Variants in SLC16A9 observed in about 807,000 individuals in gnomAD.
The protein encoded by SLC16A9 is solute carrier family 16 member 9.
In SLC16A9, 26 loss-of-function variants were observed where a neutral mutation model predicts 44.3. The ratio of observed to expected loss-of-function variants is 0.59; its 90% CI spans 0.43 to 0.81. The LOEUF is 0.81. SLC16A9 is among the 40% of genes least tolerant of loss of function. The pLI is 0.00. For missense variants in SLC16A9, 559 were observed against 595.8 expected, an observed-to-expected ratio of 0.94 and a Z score of 0.64; for synonymous variants, 230 against 225.1, an observed-to-expected ratio of 1.02 and a Z score of -0.19.
Position 59,653,885 on chromosome 10 carries a change from T to A in SLC16A9, c.1141A>T (p.Ile381Phe). 1 of 1,614,182 alleles carries A rather than the reference T, an allele frequency of 6.2e-7. No individual in the cohort carries two copies. The highest frequency in any genetic ancestry group is 8.5e-7 in the Non-Finnish European group (1 of 1,180,028). The change falls in exon 5 of 6, where the codon ATC becomes TTC. Residue 381 changes from isoleucine to phenylalanine, a missense_variant. By Grantham distance (21) the Ile-to-Phe change is conservative (BLOSUM62 0). Coordinates refer to ENST00000395348, the MANE Select transcript of SLC16A9 (RefSeq NM_194298.3). ...ATTGCACACAAGGCTAGGCCCATGA[T>A]GATTAAGGTAGCAACATAAAGATAC... Reference protein sequence around the residue: ...TLYLYVATLIIMGLALCAIPF... With the variant: ...TLYLYVATLIFMGLALCAIPF...
At chr10:59,686,837 A>C (rs1018986100) in intron 1 of SLC16A9, among the ~76,000 whole-genome samples, 1 of 152,208 alleles carries the variant, frequency 6.6e-6, no homozygotes, top group Non-Finnish European at 1.5e-5. Context: ...TTACACAATG[A>C]GATGAAAACA....
rs1486153273 is a variant in SLC16A9, at chr10:59,651,688, G to A, written c.*1084C>T. On this transcript the variant is annotated 3_prime_UTR_variant, in exon 6 of 6. Coordinates refer to ENST00000395348, the MANE Select transcript of SLC16A9 (RefSeq NM_194298.3). ...AAGGACATTTTTCTTAAGGTTAAAT[G>A]CAACTGCATAAGGGTATTAATTTCT... 6.6e-6 allele frequency: 1 copy of A among 152,014 alleles called. No homozygotes were observed. Among genetic ancestry groups the A allele is most frequent in the East Asian group, 1.9e-4 (1 of 5,186 alleles). 9.4% of individuals were successfully genotyped at this position (152,014 alleles called of 1,614,324 possible).
chr10:59,698,927 A>G (rs746779598), intron 1 of SLC16A9, among the ~76,000 whole-genome samples: 2 of 152,004 alleles, frequency 1.3e-5, no homozygotes, highest in Non-Finnish European at 2.9e-5. Context: ...TATTTTTAGT[A>G]GAGATGGGGT....
In SLC16A9 at chr10:59,652,442, C is replaced by T. The variant is rs79262114; in HGVS notation, c.*330G>A. On this transcript the variant is annotated 3_prime_UTR_variant, in exon 6 of 6. Transcript: ENST00000395348. ...TGCCTTGCAGTGGATTAAATGGAGT[C>T]GGCAGAGAAATTATACTTCTTTACA... 3,823 of 175,134 alleles carry T rather than the reference C, an allele frequency of 0.022. 57 individuals are homozygous for T. The highest frequency in any genetic ancestry group is 0.035 in the Non-Finnish European group (2,936 of 83,736). 10.8% of individuals were successfully genotyped at this position (175,134 alleles called of 1,614,324 possible).
At chr10:59,653,645 AATGGG>A in intron 5 of SLC16A9, 25 bp downstream of exon 5, 1 of 1,576,224 alleles carries the variant, frequency 6.3e-7, no homozygotes, top group Non-Finnish European at 8.6e-7. Context: ...AGAACAGTAA[AATGGG>A]ATGATTTTAA....
intron 1 of SLC16A9, among the ~76,000 whole-genome samples, chr10:59,706,715 G>A (rs1388577812): frequency 6.6e-6 from 1 of 152,032 alleles, no homozygotes; most frequent in Non-Finnish European, 1.5e-5. Flanking sequence ...GCTCACGCCT[G>A]TAATCCCAGC....
rs35376586 is a variant in SLC16A9, at chr10:59,707,585, C to CA, written c.-37+1893dup. On this transcript the variant is annotated intron_variant, in intron 1 of 5. Coordinates refer to ENST00000395348, the MANE Select transcript of SLC16A9 (RefSeq NM_194298.3). ...TAGATTTGAAGTGTTCTCACCACAC[C>CA]AAAAAAAAAAAAAAAACAAAAGATA... Among the ~76,000 whole-genome samples, 246 of 127,472 alleles carry CA rather than the reference C, an allele frequency of 1.9e-3. 1 individual carries two copies. The highest frequency in any genetic ancestry group is 5.2e-3 in the African/African-American group (179 of 34,320). The allele number at this position is 127,472 out of a possible 152,430, so 83.6% of individuals were successfully genotyped here. A position where few individuals can be genotyped will look rare whatever the true frequency, so the allele number is the denominator to read the frequency against.
rs113029381 is a variant in SLC16A9, at chr10:59,704,260, C to T, written c.-37+5219G>A. 7.7e-3 allele frequency among the ~76,000 whole-genome samples: 1,171 copies of T among 152,176 alleles called. 16 individuals are homozygous for T. Among genetic ancestry groups the T allele is most frequent in the African/African-American group, 0.027 (1,132 of 41,518 alleles). ...TGCATTTAGTTTCACCTGTGCTATC[C>T]CCCATACCTCCACACACCTACTACC... On this transcript the variant is annotated intron_variant, in intron 1 of 5. Coordinates refer to ENST00000395348, the MANE Select transcript of SLC16A9 (RefSeq NM_194298.3).
rs576850127 is a variant in SLC16A9 at position 59,696,798 on chromosome 10, G to A, written c.-36-12471C>T. Reference sequence around the variant, plus strand: ...AGACCCTCTGCCTGGCAACCGCCCCGTCTGAGAAGTGAGAAGCCCCTCCGC... The same window carrying A: ...AGACCCTCTGCCTGGCAACCGCCCCATCTGAGAAGTGAGAAGCCCCTCCGC... On this transcript the variant is annotated intron_variant, in intron 1 of 5. Transcript: ENST00000395348. Among the ~76,000 whole-genome samples, 18 of 150,700 alleles carry A rather than the reference G, an allele frequency of 1.2e-4. No homozygotes were observed. In the East Asian group the frequency reaches 3.4e-3, roughly 28 times the overall value.
intron 1 of SLC16A9, among the ~76,000 whole-genome samples, chr10:59,708,227 G>T (rs1257097731): frequency 6.6e-6 from 1 of 152,108 alleles, no homozygotes; most frequent in African/African-American, 2.4e-5. Flanking sequence ...ATTAATTATT[G>T]CAACAGATAA....
chr10:59,690,378 G>T (rs1297231512), intron 1 of SLC16A9, among the ~76,000 whole-genome samples: 1 of 152,148 alleles, frequency 6.6e-6, no homozygotes, highest in Non-Finnish European at 1.5e-5. Context: ...ACGTGGAAAG[G>T]TATGTGCAAA....
Position 59,652,792 on chromosome 10 carries a change from T to G in SLC16A9, c.1510A>C (p.Lys504Gln), listed in dbSNP as rs371921017. Residue 504 changes from lysine to glutamine, a missense_variant, in exon 6 of 6, where the codon AAA (lysine) becomes CAA (glutamine). By Grantham distance (53) the Lys-to-Gln change is moderately conservative. Coordinates refer to ENST00000395348, the MANE Select transcript of SLC16A9 (RefSeq NM_194298.3). ...TTCTTCTAAACATTAGAGGCAACTT[T>G]GTACAAGAAAGTTGTTGGAGCTGGC... ...PKPAPTTFLY[K>Q]VASNV is the part of the protein sequence containing the mutation. 1 of 1,611,612 alleles carries G rather than the reference T, an allele frequency of 6.2e-7. No individual in the cohort carries two copies. The highest frequency in any genetic ancestry group is 8.5e-7 in the Non-Finnish European group (1 of 1,179,332).
chr10:59,704,670 G>A (rs1840600152), intron 1 of SLC16A9, among the ~76,000 whole-genome samples: 1 of 152,196 alleles, frequency 6.6e-6, no homozygotes, highest in Admixed American at 6.5e-5. Context: ...TCATCTCCCT[G>A]TGTCCCACAC....
intron 2 of SLC16A9, among the ~76,000 whole-genome samples, chr10:59,677,397 T>A (rs1399448846): frequency 6.6e-6 from 1 of 152,186 alleles, no homozygotes; most frequent in African/African-American, 2.4e-5. Flanking sequence ...CAGCGCAGTG[T>A]GTATTTATTA....
At position 59,651,553 on chromosome 10, in the gene SLC16A9, C is replaced by A. The variant is rs10826340; in HGVS notation, c.*1219G>T. On this transcript the variant is annotated 3_prime_UTR_variant, in exon 6 of 6. Transcript: ENST00000395348. ...AATTAAAAGTTCTATGTGTGATACC[C>A]AGGTACCTATATTTTCAAAAAGATC... The A allele has an allele frequency of 2.6e-5, 4 of 152,032 alleles. No homozygotes were observed. The highest frequency in any genetic ancestry group is 2.6e-4 in the Admixed American group (4 of 15,266). 9.4% of individuals were successfully genotyped at this position (152,032 alleles called of 1,614,324 possible).
At position 59,684,340 on chromosome 10, in the gene SLC16A9, A is replaced by G. The variant is rs556899752; in HGVS notation, c.-36-13T>C. 14 of 1,510,968 alleles carry G rather than the reference A, an allele frequency of 9.3e-6. No homozygotes were observed. The South Asian group carries it at 1.7e-4, about 18-fold the overall frequency. The allele number at this position is 1,510,968 out of a possible 1,614,324, so 93.6% of individuals were successfully genotyped here. ...TTCTCTGCAGGTCCTAAACAAAAAC[A>G]AACAGAAAAGAGAATCTTATTTAGA... On this transcript the variant is annotated splice_polypyrimidine_tract_variant and intron_variant, in intron 1 of 5. Coordinates refer to ENST00000395348, the MANE Select transcript of SLC16A9 (RefSeq NM_194298.3).
chr10:59,687,604 A>G (rs1400427146), intron 1 of SLC16A9, among the ~76,000 whole-genome samples: 2 of 152,250 alleles, frequency 1.3e-5, no homozygotes, highest in Non-Finnish European at 1.5e-5. Flanking sequence ...TTTTTACTTC[A>G]TAGGCAAAAT....
chr10:59,681,584 GTATGTA>G (rs199820860), intron 2 of SLC16A9, among the ~76,000 whole-genome samples: 82 of 4,886 alleles, frequency 0.017, 25 homozygotes, highest in African/African-American at 0.025. Context: ...ATGTGTATGT[GTATGTA>G]TATGTATATG....
At position 59,666,467 on chromosome 10, in the gene SLC16A9, G is replaced by A. The variant is rs111296232; in HGVS notation, c.341-2145C>T. On this transcript the variant is annotated intron_variant, in intron 3 of 5. Coordinates refer to ENST00000395348, the MANE Select transcript of SLC16A9 (RefSeq NM_194298.3). ...AAACCTATTTTTATAATAATACTAAGATGTTCTCTGCTTTTTTCACTATGT... is the reference window on the plus strand; with the variant it reads ...AAACCTATTTTTATAATAATACTAAAATGTTCTCTGCTTTTTTCACTATGT... Among the ~76,000 whole-genome samples, 844 of 152,158 alleles carry A rather than the reference G, an allele frequency of 5.5e-3. 10 individuals carry two copies. Among genetic ancestry groups the A allele is most frequent in the African/African-American group, 0.019 (803 of 41,506 alleles).
Sources: gnomAD v4.1 joint callset for allele counts (sites outside exome capture counted in the v4.1 genomes callset) on GRCh38, gnomAD v4.1.1 for gene constraint, MANE v1.5 for transcripts, NCBI Gene and HGNC (gene_info 2026-07-23, HGNC 2026-07-21) for gene names.